The following CENPF variants were observed in gnomAD, a reference collection of about 807,000 sequenced individuals.
CENPF encodes AH antigen.
A neutral mutation model predicts 307.3 loss-of-function variants in CENPF; 214 were observed. That is an observed-to-expected ratio of 0.70 (90% CI 0.62 to 0.78). The LOEUF is 0.78. Ranked by LOEUF, CENPF falls within the 30% of genes least tolerant of loss-of-function variation. The probability of loss-of-function intolerance (pLI) is 0.00; values close to 1 mark genes in which losing one functional copy is unlikely to be tolerated. For synonymous variants in CENPF, 1,259 were observed against 1,270.6 expected, an observed-to-expected ratio of 0.99 and a Z score of 0.19; for missense variants, 3,401 against 3,483.9, an observed-to-expected ratio of 0.98 and a Z score of 0.60.
chr1:214,652,107 C>G (rs1165308587), intron 15 of CENPF, among the ~76,000 whole-genome samples: 1 of 136,092 alleles, frequency 7.3e-6, no homozygotes, highest in East Asian at 2.0e-4. Flanking sequence ...CTCTCTCTGT[C>G]GCACTGCAAG....
rs370856476 is a variant in CENPF at position 214,652,191 on chromosome 1, A to G, written c.8160+305A>G. On this transcript the variant is annotated intron_variant, in intron 15 of 19. Transcript: ENST00000366955. ...GCTGGGACTACAGGTGCCCGCCACC[A>G]CGCCCGGCTAATTTTTTGTATTTTT... Among the ~76,000 whole-genome samples the G allele has an allele frequency of 2.3e-4, 34 of 148,082 alleles. No individual in the cohort carries two copies. The East Asian group carries it at 3.2e-3, about 14-fold the overall frequency.
intron 1 of CENPF, among the ~76,000 whole-genome samples, chr1:214,609,054 T>G (rs1657125252): frequency 6.6e-6 from 1 of 151,114 alleles, no homozygotes; most frequent in African/African-American, 2.4e-5. Context: ...CAACCACAGG[T>G]CTCCATGTCA....
chr1:214,636,374 A>G (rs1657967583), intron 10 of CENPF, among the ~76,000 whole-genome samples: 1 of 152,188 alleles, frequency 6.6e-6, no homozygotes, highest in Non-Finnish European at 1.5e-5. Context: ...TAGCCTATCA[A>G]TCTTGAGATC....
chr1:214,637,831 G>A lies in CENPF; in HGVS notation c.1447-35G>A, dbSNP rs2280049. 69,393 of 1,584,708 alleles carry A rather than the reference G, an allele frequency of 0.044. 2,273 individuals are homozygous for A. The highest frequency in any genetic ancestry group is 0.12 in the Admixed American group (6,260 of 50,352). ...GAAGTCATAACTTACTTGAGCATTC[G>A]TTTTGGCTATAACCAATTAAAATGT... On this transcript the variant is annotated intron_variant, in intron 10 of 19. Transcript: ENST00000366955.
Position 214,642,058 on chromosome 1 carries a change from A to C in CENPF, c.3720A>C (p.Thr1240=). 1.2e-6 allele frequency: 2 copies of C among 1,611,460 alleles called. No individual in the cohort carries two copies. The highest frequency in any genetic ancestry group is 1.7e-6 in the Non-Finnish European group (2 of 1,179,296). ...EKECLQHELQ[T]IRGDLETSNL... ...AGTGCCTGCAGCATGAATTACAGAC[A>C]ATTAGAGGAGATCTTGAAACCAGCA... Residue 1240 remains threonine, a synonymous_variant, in exon 12 of 20, where the codon ACA becomes ACC. Coordinates refer to ENST00000366955, the MANE Select transcript of CENPF (RefSeq NM_016343.4).
rs974138505 is a variant in CENPF, at chr1:214,646,730, T to C, written c.7160T>C (p.Val2387Ala). 7.4e-6 allele frequency: 12 copies of C among 1,613,894 alleles called. No individual in the cohort carries two copies. Among genetic ancestry groups the C allele is most frequent in the Admixed American group, 1.7e-5 (1 of 59,976 alleles). ...AGTCTGAGAGGTCTGGAATTAGATG[T>C]TGTTACTATAAGGTCAGAAAAAGAA... ...TQSLRGLELD[V>A]VTIRSEKENL... Residue 2387 changes from valine to alanine, a missense_variant, in exon 13 of 20, where the codon GTT becomes GCT. Coordinates refer to ENST00000366955, the MANE Select transcript of CENPF (RefSeq NM_016343.4).
chr1:214,657,422 T>A lies in CENPF; in HGVS notation c.8962+13T>A. The stretch of plus-strand genomic sequence containing the variant: ...GTTGTAAAGAAAGGTATGCCTAATT[T>A]AAAGACAAAATTATTTGTGTTCTTT... On this transcript the variant is annotated intron_variant, in intron 18 of 19. Coordinates refer to ENST00000366955, the MANE Select transcript of CENPF (RefSeq NM_016343.4). The A allele has an allele frequency of 6.5e-7, 1 of 1,547,500 alleles. No homozygotes were observed. Among genetic ancestry groups the A allele is most frequent in the Non-Finnish European group, 8.8e-7 (1 of 1,135,462 alleles).
chr1:214,647,079 G>A lies in CENPF; in HGVS notation c.7509G>A (p.Val2503=). 2 of 1,614,020 alleles carry A rather than the reference G, an allele frequency of 1.2e-6. No individual in the cohort carries two copies. The highest frequency in any genetic ancestry group is 1.7e-6 in the Non-Finnish European group (2 of 1,179,994). Residue 2503 remains valine, a synonymous_variant, in exon 13 of 20, where the codon GTG becomes GTA. Coordinates refer to ENST00000366955, the MANE Select transcript of CENPF (RefSeq NM_016343.4). ...KNNYIVLQSS[V]NGLIQEVEDG... is the part of the protein sequence containing the mutation. ...ATTATATTGTTTTGCAATCTTCAGT[G>A]AATGGCCTCATTCAAGAAGTAGAAG...
At chr1:214,639,481 C>G (rs1159036016) in intron 11 of CENPF, among the ~76,000 whole-genome samples, 1 of 152,118 alleles carries the variant, frequency 6.6e-6, no homozygotes, top group Non-Finnish European at 1.5e-5. Flanking sequence ...ATTTACTTTT[C>G]TGAGACATCA....
At chr1:214,651,030 A>T (rs1571723990) in intron 14 of CENPF, among the ~76,000 whole-genome samples, 1 of 152,338 alleles carries the variant, frequency 6.6e-6, no homozygotes, top group East Asian at 1.9e-4. Flanking sequence ...ATGTGCCTTT[A>T]GTTTGCAGCA....
intron 3 of CENPF, among the ~76,000 whole-genome samples, chr1:214,615,546 G>A (rs1304051240): frequency 6.6e-6 from 1 of 152,150 alleles, no homozygotes; most frequent in Non-Finnish European, 1.5e-5. Flanking sequence ...GGGAGAACTA[G>A]GGAATTATAA....
intron 9 of CENPF, 108 bp downstream of exon 9, chr1:214,630,770 C>A: frequency 7.3e-7 from 1 of 1,368,098 alleles, no homozygotes. Flanking sequence ...AAAAGCGCTC[C>A]ACCTTCACTT....
At chr1:214,660,595 A>G (rs1296974962) in intron 19 of CENPF, among the ~76,000 whole-genome samples, 1 of 152,256 alleles carries the variant, frequency 6.6e-6, no homozygotes, top group Non-Finnish European at 1.5e-5. Context: ...AGTCAGGTTT[A>G]GGGTCCCGAT....
At chr1:214,653,157 T>C (rs1333494028) in intron 16 of CENPF, 168 bp downstream of exon 16, 9 of 670,192 alleles carry the variant, frequency 1.3e-5, no homozygotes, top group Non-Finnish European at 2.5e-5. Flanking sequence ...AAAAAATCAG[T>C]GGGTCATCTA....
At chr1:214,629,267 T>C in intron 8 of CENPF, 96 bp downstream of exon 8, 1 of 1,239,896 alleles carries the variant, frequency 8.1e-7, no homozygotes, top group Non-Finnish European at 1.1e-6. Flanking sequence ...TATCACAATT[T>C]GGGAAATTCT....
rs1406275416 is a variant in CENPF, at chr1:214,657,186, C to A, written c.8739C>A (p.Ile2913=). The A allele has an allele frequency of 1.2e-6, 2 of 1,614,138 alleles. No individual in the cohort carries two copies. Among genetic ancestry groups the A allele is most frequent in the Non-Finnish European group, 1.7e-6 (2 of 1,180,024 alleles). ...LGPVVPGPSP[I]PSVTEKRLSS... ...CAGTTGTTCCAGGACCATCTCCAAT[C>A]CCTTCTGTTACTGAAAAGAGGTTAT... The change falls in exon 18 of 20, where the codon ATC becomes ATA. Residue 2913 remains isoleucine (I), a synonymous_variant. Coordinates refer to ENST00000366955, the MANE Select transcript of CENPF (RefSeq NM_016343.4).
chr1:214,634,016 T>C (rs766389455), intron 10 of CENPF, among the ~76,000 whole-genome samples: 7 of 152,236 alleles, frequency 4.6e-5, no homozygotes, highest in East Asian at 3.8e-4. Flanking sequence ...TAAAAACTGC[T>C]TGCTTGGCCA....
chr1:214,638,229 G>T (rs1444915678), intron 11 of CENPF, among the ~76,000 whole-genome samples: 3 of 152,060 alleles, frequency 2.0e-5, no homozygotes, highest in Admixed American at 6.6e-5. Context: ...AACGCCTGAT[G>T]CTCAGCACTT....
Position 214,620,754 on chromosome 1 carries a change from C to T in CENPF, c.673C>T (p.Pro225Ser), listed in dbSNP as rs764101383. The change falls in exon 6 of 20, where the codon CCA (proline) becomes TCA (serine). Residue 225 changes from proline to serine, a missense_variant. Coordinates refer to ENST00000366955, the MANE Select transcript of CENPF (RefSeq NM_016343.4). ...GTTCTCATGGCAGCAAGAGAAGACC[C>T]CAAGTCATCTTTCATCTAATTCTCA... ...SVFSWQQEKT[P>S]SHLSSNSQRT... 81 of 1,613,992 alleles carry T rather than the reference C, an allele frequency of 5.0e-5. No homozygotes were observed. The highest frequency in any genetic ancestry group is 6.7e-5 in the Non-Finnish European group (79 of 1,180,010).
Sources: allele counts gnomAD v4.1 joint callset (sites outside exome capture counted in the v4.1 genomes callset), GRCh38; gene constraint gnomAD v4.1.1; transcripts MANE v1.5; gene names NCBI Gene and HGNC (gene_info 2026-07-23, HGNC 2026-07-21).